The following MRPL21 variants were observed in gnomAD, a reference collection of about 807,000 sequenced individuals.
The protein encoded by MRPL21 is large ribosomal subunit protein bL21m.
MRPL21 carries 20 observed loss-of-function variants against 27.3 expected under a neutral mutation model. That is an observed-to-expected ratio of 0.73 (90% CI 0.52 to 1.06). MRPL21 has a LOEUF of 1.06. Among genes scored for constraint, MRPL21 ranks in the 50% least tolerant of loss-of-function variants. The pLI, the probability that MRPL21 is intolerant of heterozygous loss-of-function variation, is 0.00. For missense variants in MRPL21, 249 were observed against 251.4 expected (o/e 0.99, Z 0.06); for synonymous variants, 98 against 101.5 (o/e 0.97, Z 0.21).
intron 6 of MRPL21, chr11:68,891,925 G>T: frequency 1.8e-6 from 1 of 550,926 alleles, no homozygotes; most frequent in Non-Finnish European, 2.9e-6. Context: ...CATCCCTCAG[G>T]ATGCCCACTA....
intron 4 of MRPL21, 121 bp downstream of exon 4, chr11:68,896,394 T>A: frequency 7.7e-7 from 1 of 1,300,048 alleles, no homozygotes; most frequent in Non-Finnish European, 1.1e-6. Flanking sequence ...GAGCCTCAGC[T>A]TTGTTGGCCT....
At chr11:68,891,719 A>G (rs1160440258) in intron 6 of MRPL21, 8 of 532,162 alleles carry the variant, frequency 1.5e-5, no homozygotes, top group Non-Finnish European at 2.7e-5. Context: ...CCTTGAGGCT[A>G]CCTGGAAGTG....
chr11:68,894,577 C>T (rs374210770), intron 4 of MRPL21, among the ~76,000 whole-genome samples: 10 of 152,272 alleles, frequency 6.6e-5, no homozygotes, highest in Admixed American at 1.3e-4. Context: ...CCACCACGCA[C>T]GGCCTACAGT....
intron 2 of MRPL21, among the ~76,000 whole-genome samples, chr11:68,899,262 C>T (rs951596925): frequency 1.3e-5 from 2 of 152,254 alleles, no homozygotes; most frequent in East Asian, 1.9e-4. Flanking sequence ...TATTCAGAAC[C>T]GTTTTTAAGC....
intron 1 of MRPL21, 32 bp downstream of exon 1, chr11:68,903,691 G>A (rs754890448): frequency 1.2e-6 from 2 of 1,607,314 alleles, no homozygotes; most frequent in South Asian, 1.1e-5. Context: ...CTCGCTCTGC[G>A]TCCTCCCTTC....
At chr11:68,897,122 CCCCCCG>C (rs1857812914) in intron 3 of MRPL21, among the ~76,000 whole-genome samples, 1 of 152,104 alleles carries the variant, frequency 6.6e-6, no homozygotes, top group South Asian at 2.1e-4. Flanking sequence ...CAATGAGGAG[CCCCCCG>C]TATCCCAACC....
intron 4 of MRPL21, among the ~76,000 whole-genome samples, chr11:68,895,778 T>C (rs1857771541): frequency 6.6e-6 from 1 of 152,206 alleles, no homozygotes. Context: ...CAAATGATCC[T>C]TCTACTTCAG....
chr11:68,899,114 C>G (rs1244769020), intron 2 of MRPL21, among the ~76,000 whole-genome samples: 1 of 152,106 alleles, frequency 6.6e-6, no homozygotes. Flanking sequence ...TCCTAACTCT[C>G]CCCTGCCTGC....
At chr11:68,895,422 G>A (rs1857763376) in intron 4 of MRPL21, among the ~76,000 whole-genome samples, 1 of 152,144 alleles carries the variant, frequency 6.6e-6, no homozygotes, top group Non-Finnish European at 1.5e-5. Context: ...GGCCAAGGCA[G>A]GTGGATCACC....
chr11:68,892,020 G>A (rs660614), intron 6 of MRPL21: 251,874 of 1,022,642 alleles, frequency 0.25, 40,252 homozygotes, highest in South Asian at 0.44. Context: ...AGTGCTAGGC[G>A]TCATGGGTTG....
At chr11:68,902,505 GCA>G (rs1857975135) in intron 1 of MRPL21, among the ~76,000 whole-genome samples, 1 of 152,070 alleles carries the variant, frequency 6.6e-6, no homozygotes, top group Non-Finnish European at 1.5e-5. Context: ...TTATTTTTTA[GCA>G]CAGTTTTAGT....
At chr11:68,898,920 T>C (rs982117633) in intron 2 of MRPL21, among the ~76,000 whole-genome samples, 7 of 152,236 alleles carry the variant, frequency 4.6e-5, no homozygotes, top group Admixed American at 2.6e-4. Flanking sequence ...CCTTAGTAGC[T>C]GGGATTACAG....
chr11:68,897,708 T>A (rs779718991), intron 3 of MRPL21: 69 of 573,978 alleles, frequency 1.2e-4, no homozygotes, highest in Non-Finnish European at 1.8e-4. Flanking sequence ...TTATGCCACC[T>A]GCCTGCAGTG....
rs760996469 is a variant in MRPL21 at position 68,898,009 on chromosome 11, A to G, written c.150T>C (p.Tyr50=). ...NSQSTSYLPG[Y]VPKTSLSSPP... ...GTGAACTCAGGGATGTTTTAGGAACATATCTGTAAAACACATTTCGTAGAC... is the reference window on the plus strand; with the variant it reads ...GTGAACTCAGGGATGTTTTAGGAACGTATCTGTAAAACACATTTCGTAGAC... The change falls in exon 3 of 7, where the codon TAT becomes TAC. Residue 50 remains tyrosine, a synonymous_variant. Coordinates refer to ENST00000362034, the MANE Select transcript of MRPL21 (RefSeq NM_181514.2). 1 of 1,613,790 alleles carries G rather than the reference A, an allele frequency of 6.2e-7. No homozygotes were observed. Among genetic ancestry groups the G allele is most frequent in the South Asian group, 1.1e-5 (1 of 91,070 alleles).
At chr11:68,896,759 G>A in intron 3 of MRPL21, 81 bp from the exon 4 acceptor site, 2 of 1,572,462 alleles carry the variant, frequency 1.3e-6, no homozygotes, top group South Asian at 1.2e-5. Context: ...GCTCCTGGTG[G>A]TGGGGCCCTA....
intron 5 of MRPL21, 90 bp from the exon 6 acceptor site, chr11:68,893,083 C>T (rs1236657537): frequency 7.0e-7 from 1 of 1,418,570 alleles, no homozygotes; most frequent in Admixed American, 2.9e-5. Flanking sequence ...GTTATACTTT[C>T]TCTTTTGTTG....
chr11:68,898,401 C>T (rs116623894), intron 2 of MRPL21, among the ~76,000 whole-genome samples: 9 of 152,334 alleles, frequency 5.9e-5, no homozygotes, highest in South Asian at 2.1e-4. Context: ...GCAGCTCTCC[C>T]GCCTCCCTTG....
intron 6 of MRPL21, chr11:68,892,646 G>A: frequency 6.9e-7 from 1 of 1,446,526 alleles, no homozygotes; most frequent in Non-Finnish European, 9.1e-7. Context: ...GGGGTCACGT[G>A]CGGAGCGTGG....
In MRPL21 at chr11:68,893,442, C is replaced by T; in HGVS notation, c.410G>A (p.Gly137Glu). The stretch of plus-strand genomic sequence containing the variant: ...GCCAAGCAGCGTGAAGTTGTCTGCC[C>T]CAACCAGCAGGACCTGAAAAATTCA... ...RIRLEKVLLV[G>E]ADNFTLLGKP... The change falls in exon 5 of 7, where the codon GGG becomes GAG. Residue 137 changes from glycine (G) to glutamate (E), a missense_variant. Gly to Glu is a moderately conservative substitution (Grantham distance 98). Transcript: ENST00000362034. The T allele has an allele frequency of 6.2e-7, 1 of 1,614,208 alleles. No individual in the cohort carries two copies. The highest frequency in any genetic ancestry group is 8.5e-7 in the Non-Finnish European group (1 of 1,180,042).
Sources: allele counts gnomAD v4.1 joint callset (sites outside exome capture counted in the v4.1 genomes callset), GRCh38; gene constraint gnomAD v4.1.1; transcripts MANE v1.5; gene names NCBI Gene and HGNC (gene_info 2026-07-23, HGNC 2026-07-21).